Variants in BNC2 observed in about 807,000 individuals in gnomAD.
The protein encoded by BNC2 is basonuclin zinc finger protein 2.
In BNC2, 20 loss-of-function variants were observed where a neutral mutation model predicts 76.3. That is an observed-to-expected ratio of 0.26 (90% CI 0.18 to 0.38). The LOEUF is 0.38. BNC2 is among the 10% of genes least tolerant of loss of function. The pLI is 1.00. For synonymous variants in BNC2, 582 were observed against 514.8 expected, an observed-to-expected ratio of 1.13 and a Z score of -1.77; for missense variants, 1,382 against 1,399.8, an observed-to-expected ratio of 0.99 and a Z score of 0.20.
At chr9:16,494,839 G>A (rs868072997) in intron 5 of BNC2, among the ~76,000 whole-genome samples, 13 of 152,234 alleles carry the variant, frequency 8.5e-5, no homozygotes, top group Admixed American at 1.3e-4. Context: ...GTGGGGTGGA[G>A]GGCTGGGGGA....
At chr9:16,547,968 G>A (rs952646493) in intron 5 of BNC2, among the ~76,000 whole-genome samples, 5 of 152,112 alleles carry the variant, frequency 3.3e-5, no homozygotes, top group East Asian at 1.9e-4. Flanking sequence ...TCTAAAAGAC[G>A]GATGGCCCCA....
chr9:16,719,928 G>A lies in BNC2; in HGVS notation c.330+7869C>T, dbSNP rs142641349. On this transcript the variant is annotated intron_variant, in intron 3 of 6. Transcript: ENST00000380672. Reference sequence around the variant, plus strand: ...TTCCTTCTTGTAGGGAAATAAGCTCGTGTAGAAGTCTAACTGCACAAAATA... The same window carrying A: ...TTCCTTCTTGTAGGGAAATAAGCTCATGTAGAAGTCTAACTGCACAAAATA... Among the ~76,000 whole-genome samples, 355 of 152,260 alleles carry A rather than the reference G, an allele frequency of 2.3e-3. 1 individual carries two copies. The highest frequency in any genetic ancestry group is 8.0e-3 in the African/African-American group (334 of 41,558).
At chr9:16,485,547 G>C (rs1563805549) in intron 5 of BNC2, among the ~76,000 whole-genome samples, 1 of 152,138 alleles carries the variant, frequency 6.6e-6, no homozygotes, top group Non-Finnish European at 1.5e-5. Flanking sequence ...GCTCTGTCAG[G>C]GCCGGTCCTC....
At position 16,419,002 on chromosome 9, in the gene BNC2, G is replaced by C; in HGVS notation, c.3287C>G (p.Thr1096Ser). The C allele has an allele frequency of 1.2e-6, 2 of 1,614,108 alleles. No individual in the cohort carries two copies. Among genetic ancestry groups the C allele is most frequent in the Non-Finnish European group, 1.7e-6 (2 of 1,180,030 alleles). ...NPNLHKNIPF[T>S]SVD ...TCCATTCTGAGACTAATCTACTGAA[G>C]TGAAGGGAATGTTTTTGTGGAGATT... The change falls in exon 7 of 7, where the codon ACT (threonine) becomes AGT (serine). Residue 1096 changes from threonine (T) to serine (S), a missense_variant. By Grantham distance (58) the Thr-to-Ser change is moderately conservative (BLOSUM62 1). Around this residue, in one of 3 missense-constraint regions of BNC2, gnomAD observed 798 missense variants for 775.5 expected, o/e 1.03. Coordinates refer to ENST00000380672, the MANE Select transcript of BNC2 (RefSeq NM_017637.6).
intron 1 of BNC2, among the ~76,000 whole-genome samples, chr9:16,781,046 A>G (rs557502921): frequency 6.6e-6 from 1 of 151,994 alleles, no homozygotes; most frequent in Non-Finnish European, 1.5e-5. Flanking sequence ...TCCAGATAAA[A>G]CGCTTTATCC....
At chr9:16,837,461 G>A (rs1252452263) in intron 1 of BNC2, among the ~76,000 whole-genome samples, 4 of 152,142 alleles carry the variant, frequency 2.6e-5, no homozygotes, top group African/African-American at 4.8e-5. Context: ...CTGAGGTCGC[G>A]CCACTGCACT....
At chr9:16,547,115 C>G (rs1397845796) in intron 5 of BNC2, among the ~76,000 whole-genome samples, 2 of 152,206 alleles carry the variant, frequency 1.3e-5, no homozygotes, top group South Asian at 2.1e-4. Flanking sequence ...TTGGCAACAT[C>G]TATAAGAGGA....
At chr9:16,851,344 CA>C (rs58515916) in intron 1 of BNC2, among the ~76,000 whole-genome samples, 10 of 143,142 alleles carry the variant, frequency 7.0e-5, no homozygotes, top group African/African-American at 1.3e-4. Flanking sequence ...CTTGTCTCTA[CA>C]AAAAAAAAAA....
chr9:16,544,809 CAAAA>C (rs60198484), intron 5 of BNC2, among the ~76,000 whole-genome samples: 2 of 82,598 alleles, frequency 2.4e-5, no homozygotes, highest in Non-Finnish European at 5.5e-5. Context: ...GACTCCACCT[CAAAA>C]AAAAAAAAAA....
chr9:16,639,065 G>A (rs186421112), intron 3 of BNC2, among the ~76,000 whole-genome samples: 6 of 152,250 alleles, frequency 3.9e-5, no homozygotes, highest in Admixed American at 2.6e-4. Flanking sequence ...GATGTCATGT[G>A]TAATAGGCTA....
intron 5 of BNC2, among the ~76,000 whole-genome samples, chr9:16,483,529 C>T (rs1822102646): frequency 6.6e-6 from 1 of 152,140 alleles, no homozygotes; most frequent in African/African-American, 2.4e-5. Context: ...ACATGGTATA[C>T]AGAGTGGTAT....
intron 1 of BNC2, among the ~76,000 whole-genome samples, chr9:16,860,363 A>C (rs541199599): frequency 6.6e-6 from 1 of 152,288 alleles, no homozygotes; most frequent in East Asian, 1.9e-4. Context: ...ATAGAACAGA[A>C]ATTCCAGAAA....
At chr9:16,581,751 G>A (rs1021886449) in intron 4 of BNC2, among the ~76,000 whole-genome samples, 11 of 152,146 alleles carry the variant, frequency 7.2e-5, no homozygotes, top group African/African-American at 2.2e-4. Context: ...AGAGACTGCA[G>A]AAGTAAATGC....
At chr9:16,842,897 G>A (rs767858538) in intron 1 of BNC2, among the ~76,000 whole-genome samples, 1 of 152,104 alleles carries the variant, frequency 6.6e-6, no homozygotes, top group Non-Finnish European at 1.5e-5. Flanking sequence ...GATTACAGGT[G>A]TGCACCACCA....
At chr9:16,710,283 T>TC (rs1389399950) in intron 3 of BNC2, among the ~76,000 whole-genome samples, 4 of 152,242 alleles carry the variant, frequency 2.6e-5, no homozygotes, top group Admixed American at 2.6e-4. Context: ...AAACATTCTT[T>TC]CAGTCTTATG....
chr9:16,440,929 C>T (rs1258276389), intron 5 of BNC2, among the ~76,000 whole-genome samples: 2 of 152,156 alleles, frequency 1.3e-5, no homozygotes, highest in South Asian at 4.1e-4. Context: ...CACAGATAAA[C>T]AACAAAGCAT....
chr9:16,515,500 T>C (rs1312840311), intron 5 of BNC2, among the ~76,000 whole-genome samples: 1 of 151,860 alleles, frequency 6.6e-6, no homozygotes, highest in Admixed American at 6.6e-5. Context: ...TCCCACCAAC[T>C]CCCCTCTGGC....
At chr9:16,841,843 CTT>C (rs56207038) in intron 1 of BNC2, among the ~76,000 whole-genome samples, 147,971 of 151,110 alleles carry the variant, frequency 0.98, 72,533 homozygotes, top group Middle Eastern at 1. Flanking sequence ...GAGTTTCACT[CTT>C]GTTGCCCAGG....
chr9:16,672,949 G>A (rs1403921383), intron 3 of BNC2, among the ~76,000 whole-genome samples: 1 of 152,182 alleles, frequency 6.6e-6, no homozygotes, highest in Admixed American at 6.5e-5. Flanking sequence ...AGAAAGCAGG[G>A]TAAACAACAC....
Sources: allele counts gnomAD v4.1 joint callset (sites outside exome capture counted in the v4.1 genomes callset), GRCh38; gene constraint gnomAD v4.1.1; regional missense constraint gnomAD v4.1.1; transcripts MANE v1.5; gene names NCBI Gene and HGNC (gene_info 2026-07-23, HGNC 2026-07-21).